The following SIDT1 variants were observed in gnomAD, a reference collection of about 807,000 sequenced individuals.
The protein encoded by SIDT1 is SID1 transmembrane family, member 1.
Under a neutral mutation model 107.5 loss-of-function variants are expected in SIDT1, and 101 were observed. The ratio of observed to expected loss-of-function variants is 0.94; its 90% CI spans 0.80 to 1.11. SIDT1 has a LOEUF of 1.11. Among genes scored for constraint, SIDT1 ranks in the 50% least tolerant of loss-of-function variants. The pLI is 0.00. For synonymous variants in SIDT1, 395 were observed against 398.2 expected (o/e 0.99, Z 0.10); for missense variants, 1,076 against 1,058.2 (o/e 1.02, Z -0.23).
intron 20 of SIDT1, among the ~76,000 whole-genome samples, chr3:113,618,537 A>G (rs939708000): frequency 1.3e-5 from 2 of 152,330 alleles, no homozygotes; most frequent in East Asian, 3.9e-4. Context: ...TTGCATTCCC[A>G]CCAGCAATGA....
At chr3:113,566,307 T>G in intron 1 of SIDT1, 113 bp from the exon 2 acceptor site, 2 of 1,068,454 alleles carry the variant, frequency 1.9e-6, no homozygotes, top group Non-Finnish European at 2.7e-6. Flanking sequence ...GAGCCTCACA[T>G]GGCAACTATG....
intron 18 of SIDT1, 111 bp downstream of exon 18, chr3:113,611,255 G>A: frequency 7.8e-7 from 1 of 1,284,210 alleles, no homozygotes; most frequent in Non-Finnish European, 1.1e-6. Flanking sequence ...CTCAGTTCAT[G>A]ACACAATTTC....
intron 15 of SIDT1, 38 bp from the exon 16 acceptor site, chr3:113,608,056 G>A (rs759539325): frequency 7.9e-6 from 12 of 1,519,566 alleles, no homozygotes; most frequent in Non-Finnish European, 8.8e-6. Flanking sequence ...CCCTTTGATG[G>A]TCTTGACTCT....
At chr3:113,625,884 C>G (rs1345682320) in intron 23 of SIDT1, 2 of 517,938 alleles carry the variant, frequency 3.9e-6, no homozygotes, top group East Asian at 6.6e-5. Context: ...TGTGCAGAAG[C>G]TTCGTAGCTT....
chr3:113,582,555 G>C (rs1372546588), intron 6 of SIDT1, among the ~76,000 whole-genome samples: 1 of 152,084 alleles, frequency 6.6e-6, no homozygotes, highest in Non-Finnish European at 1.5e-5. Flanking sequence ...ACTTCAAATT[G>C]TATTTCATCC....
At chr3:113,599,982 C>T (rs921468267) in intron 10 of SIDT1, among the ~76,000 whole-genome samples, 2 of 152,240 alleles carry the variant, frequency 1.3e-5, no homozygotes, top group Non-Finnish European at 1.5e-5. Flanking sequence ...AATATCAAAA[C>T]ATCATGTTGT....
chr3:113,587,594 T>C (rs1426006436), intron 9 of SIDT1, among the ~76,000 whole-genome samples: 3 of 152,246 alleles, frequency 2.0e-5, no homozygotes, highest in African/African-American at 7.2e-5. Flanking sequence ...CAGCATATGA[T>C]ACATTTGAAA....
chr3:113,626,342 T>G, intron 24 of SIDT1, 127 bp downstream of exon 24: 1 of 633,372 alleles, frequency 1.6e-6, no homozygotes, highest in Non-Finnish European at 2.7e-6. Context: ...CTCCTTGTAA[T>G]TCAATGTACA....
chr3:113,629,287 G>C lies in SIDT1; in HGVS notation c.*1579G>C, dbSNP rs1179695447. 6.6e-6 allele frequency: 1 copy of C among 152,064 alleles called. No homozygotes were observed. The highest frequency in any genetic ancestry group is 1.5e-5 in the Non-Finnish European group (1 of 68,010). The allele number at this position is 152,064 out of a possible 1,614,324, so 9.4% of individuals were successfully genotyped here. On this transcript the variant is annotated 3_prime_UTR_variant, in exon 25 of 25. Coordinates refer to ENST00000264852, the MANE Select transcript of SIDT1 (RefSeq NM_017699.3). ...TTTAAAGTCCCCAAATGTGTACTTA[G>C]CCTTCTGTTATTCCTTATTCTTTAA... is the stretch of plus-strand genomic sequence containing the variant.
chr3:113,576,536 T>C (rs1255139790), intron 3 of SIDT1, among the ~76,000 whole-genome samples: 1 of 152,158 alleles, frequency 6.6e-6, no homozygotes, highest in African/African-American at 2.4e-5. Flanking sequence ...AAAAGGACCT[T>C]GAACCTGGGT....
At chr3:113,606,120 A>C (rs1029388539) in intron 14 of SIDT1, among the ~76,000 whole-genome samples, 1 of 152,190 alleles carries the variant, frequency 6.6e-6, no homozygotes, top group African/African-American at 2.4e-5. Flanking sequence ...AAATAATATG[A>C]AAGTAGTTTG....
At chr3:113,545,607 G>A (rs1939501365) in intron 1 of SIDT1, among the ~76,000 whole-genome samples, 1 of 152,152 alleles carries the variant, frequency 6.6e-6, no homozygotes, top group African/African-American at 2.4e-5. Flanking sequence ...GACATGATCG[G>A]TTGTCATCCA....
chr3:113,605,094 G>A, intron 14 of SIDT1, 118 bp downstream of exon 14: 1 of 884,070 alleles, frequency 1.1e-6, no homozygotes. Flanking sequence ...TTCCCATTGG[G>A]GTTCCAATTG....
intron 1 of SIDT1, among the ~76,000 whole-genome samples, chr3:113,549,813 C>T (rs1309071074): frequency 5.9e-5 from 9 of 152,004 alleles, no homozygotes; most frequent in Non-Finnish European, 7.4e-5. Context: ...AAGCTGTCAC[C>T]AAATCAAAAG....
chr3:113,589,643 C>T (rs1284133781), intron 9 of SIDT1: 2 of 150,132 alleles, frequency 1.3e-5, no homozygotes, highest in Non-Finnish European at 2.9e-5. Flanking sequence ...AAGCAATTCT[C>T]CTGTCGCAGC....
At chr3:113,550,551 ACTTATCTTTGT>A (rs1940108430) in intron 1 of SIDT1, among the ~76,000 whole-genome samples, 1 of 152,132 alleles carries the variant, frequency 6.6e-6, no homozygotes, top group Non-Finnish European at 1.5e-5. Flanking sequence ...AAGTCAATGA[ACTTATCTTTGT>A]CAATTCTCTT....
intron 15 of SIDT1, 34 bp downstream of exon 15, chr3:113,607,148 T>C: frequency 2.2e-6 from 3 of 1,335,528 alleles, no homozygotes; most frequent in Non-Finnish European, 3.2e-6. Flanking sequence ...CATGAGGCAT[T>C]TAGAGATGCC....
At chr3:113,560,856 T>C (rs1941366616) in intron 1 of SIDT1, among the ~76,000 whole-genome samples, 1 of 152,192 alleles carries the variant, frequency 6.6e-6, no homozygotes, top group African/African-American at 2.4e-5. Context: ...CCTACTGACA[T>C]GCTGAAAGAT....
chr3:113,566,173 C>T (rs1205630620), intron 1 of SIDT1, among the ~76,000 whole-genome samples: 1 of 152,166 alleles, frequency 6.6e-6, no homozygotes, highest in African/African-American at 2.4e-5. Context: ...AAATTCTCCC[C>T]ACGCAATTTC....
Sources: allele counts gnomAD v4.1 joint callset (sites outside exome capture counted in the v4.1 genomes callset), GRCh38; gene constraint gnomAD v4.1.1; transcripts MANE v1.5; gene names NCBI Gene and HGNC (gene_info 2026-07-23, HGNC 2026-07-21).